Variants in IQGAP1 observed in about 807,000 individuals in gnomAD.
IQGAP1 encodes the protein IQ motif containing GTPase activating protein 1.
IQGAP1 carries 66 observed loss-of-function variants against 215.6 expected under a neutral mutation model. The observed-to-expected ratio is 0.31, with a 90% CI of 0.25 to 0.38. The LOEUF is 0.38. IQGAP1 is among the 10% of genes least tolerant of loss of function. The pLI, the probability that IQGAP1 is intolerant of heterozygous loss-of-function variation, is 1.00. For missense variants in IQGAP1, 1,712 were observed against 1,997.1 expected (o/e 0.86, Z 2.72); for synonymous variants, 772 against 728.7 (o/e 1.06, Z -0.96).
At chr15:90,446,427 G>C (rs1000404749) in intron 9 of IQGAP1, among the ~76,000 whole-genome samples, 2 of 152,204 alleles carry the variant, frequency 1.3e-5, no homozygotes, top group South Asian at 2.1e-4. Context: ...AGCTTGATTA[G>C]AGCAAGATGC....
intron 15 of IQGAP1, 113 bp downstream of exon 15, chr15:90,456,428 CT>C: frequency 9.6e-7 from 1 of 1,040,092 alleles, no homozygotes; most frequent in Non-Finnish European, 1.4e-6. Context: ...TCTGGGCACC[CT>C]TAGATTCAAA....
At chr15:90,404,295 T>G (rs1964845827) in intron 2 of IQGAP1, among the ~76,000 whole-genome samples, 1 of 152,234 alleles carries the variant, frequency 6.6e-6, no homozygotes, top group Non-Finnish European at 1.5e-5. Context: ...GAAGGCTGTT[T>G]CCGCTTTAAT....
In IQGAP1 at chr15:90,474,632, A is replaced by G; in HGVS notation, c.2723A>G (p.Asn908Ser). ...TLIRSNQQLE[N>S]DLNLMDIKIG... ...ATTCGTTCTAACCAGCAGCTGGAGAATGACCTCAATCTCATGGATATCAAA... is the reference window on the plus strand; with the variant it reads ...ATTCGTTCTAACCAGCAGCTGGAGAGTGACCTCAATCTCATGGATATCAAA... Residue 908 changes from asparagine (N) to serine (S), a missense_variant, in exon 23 of 38, where the codon AAT becomes AGT. By Grantham distance (46) the Asn-to-Ser change is conservative (BLOSUM62 1). Coordinates refer to ENST00000268182, the MANE Select transcript of IQGAP1 (RefSeq NM_003870.4). 6.2e-7 allele frequency: 1 copy of G among 1,614,064 alleles called. No homozygotes were observed. Among genetic ancestry groups the G allele is most frequent in the South Asian group, 1.1e-5 (1 of 91,084 alleles).
Position 90,452,816 on chromosome 15 carries a change from G to T in IQGAP1, c.1204G>T (p.Gly402Cys). ...ACTGATTAATGCTGCAATCCAGAAGGGTGTTGCTGAGAAGACTGTTTTGGA... is the reference window on the plus strand; with the variant it reads ...ACTGATTAATGCTGCAATCCAGAAGTGTGTTGCTGAGAAGACTGTTTTGGA... ...VALINAAIQKGVAEKTVLELM... is the reference protein window; with the variant it reads ...VALINAAIQKCVAEKTVLELM... Residue 402 changes from glycine to cysteine, a missense_variant, in exon 12 of 38, where the codon GGT (glycine) becomes TGT (cysteine). Physicochemically the swap from Gly to Cys is radical, Grantham distance 159. Coordinates refer to ENST00000268182, the MANE Select transcript of IQGAP1 (RefSeq NM_003870.4). 1 of 1,614,126 alleles carries T rather than the reference G, an allele frequency of 6.2e-7. No individual in the cohort carries two copies. Among genetic ancestry groups the T allele is most frequent in the Non-Finnish European group, 8.5e-7 (1 of 1,179,992 alleles).
At chr15:90,471,657 A>T (rs998797844) in intron 18 of IQGAP1, among the ~76,000 whole-genome samples, 5 of 151,402 alleles carry the variant, frequency 3.3e-5, no homozygotes, top group African/African-American at 1.2e-4. Flanking sequence ...GCGCCACCAC[A>T]CCTGGCTAAT....
Position 90,491,361 on chromosome 15 carries a change from G to T in IQGAP1, c.4277G>T (p.Arg1426Ile). The change falls in exon 34 of 38, where the codon AGA (arginine) becomes ATA (isoleucine). Residue 1426 changes from arginine (R) to isoleucine (I), a missense_variant. Coordinates refer to ENST00000268182, the MANE Select transcript of IQGAP1 (RefSeq NM_003870.4). ...QEAEHQRAMQ[R>I]RAIRDAKTPD... Reference sequence around the variant, plus strand: ...GCAGAACATCAGAGAGCCATGCAGAGACGTGCTATCCGTGATGCCAAAACA... The same window carrying T: ...GCAGAACATCAGAGAGCCATGCAGATACGTGCTATCCGTGATGCCAAAACA... 1 of 1,614,082 alleles carries T rather than the reference G, an allele frequency of 6.2e-7. No individual in the cohort carries two copies. Among genetic ancestry groups the T allele is most frequent in the Non-Finnish European group, 8.5e-7 (1 of 1,180,032 alleles).
intron 2 of IQGAP1, among the ~76,000 whole-genome samples, chr15:90,419,343 A>G (rs533843576): frequency 3.9e-5 from 6 of 152,324 alleles, no homozygotes; most frequent in African/African-American, 7.2e-5. Flanking sequence ...TGTCTGCCAC[A>G]TGGTGTGAAG....
chr15:90,388,862 A>C (rs933245074), intron 1 of IQGAP1, among the ~76,000 whole-genome samples: 14 of 152,298 alleles, frequency 9.2e-5, no homozygotes, highest in Admixed American at 8.5e-4. Context: ...CAGGCTAGCT[A>C]CGAGGTGCCG....
intron 2 of IQGAP1, among the ~76,000 whole-genome samples, chr15:90,419,418 T>G (rs1249680230): frequency 6.6e-6 from 1 of 152,242 alleles, no homozygotes; most frequent in Non-Finnish European, 1.5e-5. Context: ...TCCTGTTTAG[T>G]ACTTGTGTTT....
At chr15:90,480,560 A>G (rs557929627) in intron 26 of IQGAP1, among the ~76,000 whole-genome samples, 2 of 152,318 alleles carry the variant, frequency 1.3e-5, no homozygotes, top group East Asian at 1.9e-4. Flanking sequence ...TATTTCTCAT[A>G]GAATGTTTCT....
chr15:90,499,593 C>CT (rs1315828644), intron 37 of IQGAP1, among the ~76,000 whole-genome samples: 2 of 152,184 alleles, frequency 1.3e-5, no homozygotes, highest in Non-Finnish European at 2.9e-5. Context: ...AATGCTTCAC[C>CT]TTTTCCAGAT....
intron 2 of IQGAP1, among the ~76,000 whole-genome samples, chr15:90,393,273 A>G (rs1176901207): frequency 6.6e-6 from 1 of 152,042 alleles, no homozygotes; most frequent in Non-Finnish European, 1.5e-5. Flanking sequence ...CCTTATATAA[A>G]ATGGCATAGT....
At chr15:90,466,161 C>G (rs1444844080) in intron 16 of IQGAP1, 70 bp downstream of exon 16, 18 of 1,572,458 alleles carry the variant, frequency 1.1e-5, no homozygotes, top group Non-Finnish European at 1.5e-5. Context: ...ACAGCTTGAC[C>G]AAGATAGGTA....
intron 5 of IQGAP1, among the ~76,000 whole-genome samples, chr15:90,436,401 G>C (rs1437409066): frequency 6.6e-6 from 1 of 152,158 alleles, no homozygotes; most frequent in African/African-American, 2.4e-5. Flanking sequence ...CTGGCTCCAA[G>C]AATTTGGATA....
chr15:90,412,573 T>A (rs1284499063), intron 2 of IQGAP1, among the ~76,000 whole-genome samples: 1 of 152,340 alleles, frequency 6.6e-6, no homozygotes, highest in East Asian at 1.9e-4. Flanking sequence ...TCATCCTGAT[T>A]CCCCTCTTTC....
At chr15:90,437,057 C>T (rs1193692719) in intron 5 of IQGAP1, among the ~76,000 whole-genome samples, 1 of 150,326 alleles carries the variant, frequency 6.7e-6, no homozygotes, top group African/African-American at 2.5e-5. Context: ...CTTAAGGTTC[C>T]ACAGCCTGTA....
At chr15:90,397,812 G>A (rs3826002) in intron 2 of IQGAP1, 22,707 of 151,194 alleles carry the variant, frequency 0.15, 1,942 homozygotes, top group South Asian at 0.23. Context: ...CACCACGCCC[G>A]GCCTGAACTC....
chr15:90,449,911 G>A (rs1345749860), intron 11 of IQGAP1, among the ~76,000 whole-genome samples: 2 of 152,154 alleles, frequency 1.3e-5, no homozygotes, highest in African/African-American at 4.8e-5. Flanking sequence ...AAGCACTGAC[G>A]TATGATATTT....
intron 2 of IQGAP1, among the ~76,000 whole-genome samples, chr15:90,408,572 C>T (rs952205005): frequency 2.0e-5 from 3 of 151,982 alleles, no homozygotes; most frequent in African/African-American, 4.8e-5. Flanking sequence ...TGAAAAGGTT[C>T]GTGGAGGAGA....
Sources: allele counts gnomAD v4.1 joint callset (sites outside exome capture counted in the v4.1 genomes callset), GRCh38; gene constraint gnomAD v4.1.1; transcripts MANE v1.5; gene names NCBI Gene and HGNC (gene_info 2026-07-23, HGNC 2026-07-21).